Variants in SLC27A2 observed in about 807,000 individuals in gnomAD.
SLC27A2 encodes the protein solute carrier family 27 member 2, also known as long-chain fatty acid transport protein 2.
SLC27A2 carries 54 observed loss-of-function variants against 60.0 expected under a neutral mutation model. The ratio of observed to expected loss-of-function variants is 0.90; its 90% CI spans 0.72 to 1.13. SLC27A2 has a LOEUF of 1.13. Among genes scored for constraint, SLC27A2 ranks in the 50% most tolerant of loss-of-function variants. The pLI is 0.00. For synonymous variants in SLC27A2, 297 were observed against 297.6 expected (o/e 1.00, Z 0.02); for missense variants, 739 against 777.6 (o/e 0.95, Z 0.59).
chr15:50,235,127 G>A (rs2045342418), intron 9 of SLC27A2, among the ~76,000 whole-genome samples: 1 of 152,144 alleles, frequency 6.6e-6, no homozygotes, highest in South Asian at 2.1e-4. Context: ...TTCTGTAGCT[G>A]AAGACTTGAC....
At position 50,212,070 on chromosome 15, in the gene SLC27A2, C is replaced by CAA. The variant is rs1171050015; in HGVS notation, c.972+6726_972+6727dup. ...TGGGAGACAGAGTGAGACTCTGTCTCAAAAAAAAAAAAAAAAAAAAGTAAA... is the reference window on the plus strand; with the variant it reads ...TGGGAGACAGAGTGAGACTCTGTCTCAAAAAAAAAAAAAAAAAAAAAAGTAAA... On this transcript the variant is annotated intron_variant, in intron 4 of 9. Transcript: ENST00000267842. Among the ~76,000 whole-genome samples, 161 of 48,432 alleles carry CAA rather than the reference C, an allele frequency of 3.3e-3. 4 individuals are homozygous for CAA. The highest frequency in any genetic ancestry group is 9.2e-3 in the African/African-American group (115 of 12,496). The allele number at this position is 48,432 out of a possible 152,430, so 31.8% of individuals were successfully genotyped here. A position where few individuals can be genotyped will look rare whatever the true frequency, so the allele number is the denominator to read the frequency against.
chr15:50,185,845 G>T (rs746466373), intron 1 of SLC27A2, among the ~76,000 whole-genome samples: 51 of 151,816 alleles, frequency 3.4e-4, no homozygotes, highest in Non-Finnish European at 5.6e-4. Context: ...TAGCCAGGAT[G>T]GTCTTGATCT....
chr15:50,211,638 T>G (rs1184731391), intron 4 of SLC27A2, among the ~76,000 whole-genome samples: 1 of 152,098 alleles, frequency 6.6e-6, no homozygotes, highest in Non-Finnish European at 1.5e-5. Context: ...AAATCCCTGA[T>G]TTGCCTGAAA....
chr15:50,222,397 G>C (rs2045249452), intron 4 of SLC27A2, among the ~76,000 whole-genome samples: 1 of 152,170 alleles, frequency 6.6e-6, no homozygotes, highest in African/African-American at 2.4e-5. Flanking sequence ...GCTCTTTAAT[G>C]GCTTTGTGGA....
intron 1 of SLC27A2, among the ~76,000 whole-genome samples, chr15:50,189,845 CT>C (rs1349513689): frequency 6.6e-6 from 1 of 152,114 alleles, no homozygotes; most frequent in Non-Finnish European, 1.5e-5. Flanking sequence ...TATGTAAGGC[CT>C]TATGTGACCT....
chr15:50,207,550 G>GAGGTAGAGGCGGGCAGATCATTCA (rs2045122582), intron 4 of SLC27A2, among the ~76,000 whole-genome samples: 1 of 152,002 alleles, frequency 6.6e-6, no homozygotes, highest in African/African-American at 2.4e-5. Flanking sequence ...AACACTTTGG[G>GAGGTAGAGGCGGGCAGATCATTCA]AGGTAGAGGC....
rs2044871905 is a variant in SLC27A2, at chr15:50,182,708, C to T, written c.281C>T (p.Ala94Val). ...VDRRSNQVAR[A>V]LHDHLGLRQG... ...CGGCGCAGCAATCAAGTGGCCCGGG[C>T]GCTGCACGACCACCTCGGCCTGCGC... Residue 94 changes from alanine (A) to valine (V), a missense_variant, in exon 1 of 10, where the codon GCG becomes GTG. Physicochemically the swap from Ala to Val is moderately conservative, Grantham distance 64 (BLOSUM62 0). Transcript: ENST00000267842. 1 of 1,613,838 alleles carries T rather than the reference C, an allele frequency of 6.2e-7. No individual in the cohort carries two copies. Among genetic ancestry groups the T allele is most frequent in the Non-Finnish European group, 8.5e-7 (1 of 1,179,916 alleles).
chr15:50,226,848 A>C (rs1304752274), intron 6 of SLC27A2, 132 bp from the exon 7 acceptor site: 2 of 644,960 alleles, frequency 3.1e-6, no homozygotes, highest in Non-Finnish European at 5.4e-6. Flanking sequence ...TCACAGGTAT[A>C]CATGCATGGA....
intron 1 of SLC27A2, among the ~76,000 whole-genome samples, chr15:50,188,810 ATT>A (rs2044946225): frequency 6.6e-6 from 1 of 152,076 alleles, no homozygotes; most frequent in South Asian, 2.1e-4. Flanking sequence ...AAATACAAAA[ATT>A]AGTCGGGCAT....
At chr15:50,185,923 C>A (rs890693599) in intron 1 of SLC27A2, among the ~76,000 whole-genome samples, 1 of 151,938 alleles carries the variant, frequency 6.6e-6, no homozygotes. Flanking sequence ...GCCACCACGC[C>A]TGGCCGGAAG....
intron 1 of SLC27A2, among the ~76,000 whole-genome samples, chr15:50,192,571 G>A (rs761074305): frequency 2.0e-5 from 3 of 150,902 alleles, no homozygotes; most frequent in Admixed American, 6.6e-5. Context: ...TTGAGACAGG[G>A]TCCCACTCTG....
chr15:50,234,062 C>A (rs1157665913), intron 9 of SLC27A2, 64 bp downstream of exon 9: 2 of 1,440,550 alleles, frequency 1.4e-6, no homozygotes, highest in South Asian at 1.4e-5. Context: ...ACTTAGGGAA[C>A]AACTCGCCTT....
In SLC27A2 at chr15:50,233,996, C is replaced by G. The variant is rs764351494; in HGVS notation, c.1684C>G (p.Gln562Glu). 2.5e-6 allele frequency: 4 copies of G among 1,608,340 alleles called. No homozygotes were observed. Among genetic ancestry groups the G allele is most frequent in the Non-Finnish European group, 3.4e-6 (4 of 1,177,248 alleles). The change falls in exon 9 of 10, where the codon CAG (glutamine) becomes GAG (glutamate). Residue 562 changes from glutamine to glutamate, a missense_variant and splice_region_variant. Coordinates refer to ENST00000267842, the MANE Select transcript of SLC27A2 (RefSeq NM_003645.4). ...SYARPRFLRI[Q>E]DTIEITGTFK... Reference sequence around the variant, plus strand: ...TGCAAGGCCCCGGTTTCTAAGAATACAGGTGAGATCTCTTATTATCCAGTT... The same window carrying G: ...TGCAAGGCCCCGGTTTCTAAGAATAGAGGTGAGATCTCTTATTATCCAGTT...
chr15:50,210,133 A>T (rs2045143297), intron 4 of SLC27A2, among the ~76,000 whole-genome samples: 2 of 152,284 alleles, frequency 1.3e-5, no homozygotes, highest in African/African-American at 2.4e-5. Flanking sequence ...GGAGGACAGG[A>T]TCATGGCGAG....
chr15:50,235,196 T>C (rs1356465071), intron 9 of SLC27A2, among the ~76,000 whole-genome samples: 2 of 152,194 alleles, frequency 1.3e-5, no homozygotes. Flanking sequence ...TTGATGTTCA[T>C]AGGGCACCAA....
chr15:50,228,761 C>T (rs190907039), intron 7 of SLC27A2, among the ~76,000 whole-genome samples, 184 bp from the exon 8 acceptor site: 4 of 152,150 alleles, frequency 2.6e-5, no homozygotes, highest in African/African-American at 4.8e-5. Flanking sequence ...TAGGTCTATA[C>T]TTTTCCCTTT....
Position 50,205,364 on chromosome 15 carries a change from G to A in SLC27A2, c.972+1G>A. 1 of 1,602,732 alleles carries A rather than the reference G, an allele frequency of 6.2e-7. No homozygotes were observed. The highest frequency in any genetic ancestry group is 8.5e-7 in the Non-Finnish European group (1 of 1,172,456). On this transcript the variant is annotated splice_donor_variant, in intron 4 of 9. Coordinates refer to ENST00000267842, the MANE Select transcript of SLC27A2 (RefSeq NM_003645.4). LOFTEE classifies it high-confidence loss of function. ...TCGGTATTTATGCAACTCACCACAGGTAACACTCCCCCCGTTTTACTATCA... is the reference window on the plus strand; with the variant it reads ...TCGGTATTTATGCAACTCACCACAGATAACACTCCCCCCGTTTTACTATCA...
rs1567428267 is a variant in SLC27A2 at position 50,196,053 on chromosome 15, C to CAAAAAAAAAAAAAATAAA, written c.479-1433_479-1432insTAAAAAAAAAAAAAAAAA. Among the ~76,000 whole-genome samples the CAAAAAAAAAAAAAATAAA allele has an allele frequency of 6.6e-3, 12 of 1,822 alleles. 1 individual carries two copies. The highest frequency in any genetic ancestry group is 0.015 in the Non-Finnish European group (10 of 682). The allele number at this position is 1,822 out of a possible 152,430, so 1.2% of individuals were successfully genotyped here. On this transcript the variant is annotated intron_variant, in intron 1 of 9. Transcript: ENST00000267842. ...TGGGCGACAGAGCCAGACTCTGTCT[C>CAAAAAAAAAAAAAATAAA]AAAAAAAAAAAAAAAAAAAAAAAAA...
chr15:50,185,619 TAC>T (rs2044914594), intron 1 of SLC27A2, among the ~76,000 whole-genome samples: 1 of 142,530 alleles, frequency 7.0e-6, no homozygotes, highest in African/African-American at 2.6e-5. Flanking sequence ...CTAGGAAGCT[TAC>T]TTTTTTTTTT....
Sources: gnomAD v4.1 joint callset for allele counts (sites outside exome capture counted in the v4.1 genomes callset) on GRCh38, gnomAD v4.1.1 for gene constraint, MANE v1.5 for transcripts, NCBI Gene and HGNC (gene_info 2026-07-23, HGNC 2026-07-21) for gene names.